DCLK1: variants seen among roughly 807,000 people sequenced by gnomAD.
DCLK1 encodes the protein serine/threonine-protein kinase DCLK1.
A neutral mutation model predicts 86.2 loss-of-function variants in DCLK1; 16 were observed. The observed-to-expected ratio is 0.19, with a 90% CI of 0.13 to 0.28. DCLK1 has a LOEUF of 0.28. Among genes scored for constraint, DCLK1 ranks in the 10% least tolerant of loss-of-function variants. DCLK1 has a pLI of 1.00. For missense variants in DCLK1, 590 were observed against 940.2 expected, an observed-to-expected ratio of 0.63 and a Z score of 4.87; for synonymous variants, 369 against 370.5, an observed-to-expected ratio of 1.00 and a Z score of 0.05.
At chr13:35,810,726 C>T in intron 12 of DCLK1, 109 bp downstream of exon 12, 1 of 1,324,266 alleles carries the variant, frequency 7.6e-7, no homozygotes, top group African/African-American at 1.5e-5. Flanking sequence ...TGGAAGAAAC[C>T]TGATAGCTAA....
At chr13:35,849,839 A>T (rs1334336212) in intron 6 of DCLK1, 1 of 984,134 alleles carries the variant, frequency 1.0e-6, no homozygotes, top group Non-Finnish European at 1.2e-6. Flanking sequence ...GAAAAAGTCC[A>T]GACACAATTT....
chr13:35,894,719 T>A (rs908107434), intron 4 of DCLK1, among the ~76,000 whole-genome samples: 1 of 151,948 alleles, frequency 6.6e-6, no homozygotes, highest in African/African-American at 2.4e-5. Context: ...TTGTTGAGAG[T>A]CTTCTTCCCT....
chr13:35,940,020 T>G (rs946500432), intron 4 of DCLK1, among the ~76,000 whole-genome samples: 2 of 152,114 alleles, frequency 1.3e-5, no homozygotes, highest in Non-Finnish European at 2.9e-5. Context: ...AACGTCTGTA[T>G]GGATAGCCTG....
intron 3 of DCLK1, among the ~76,000 whole-genome samples, chr13:36,097,435 G>A (rs1885057802): frequency 1.3e-5 from 2 of 151,946 alleles, no homozygotes; most frequent in Admixed American, 6.6e-5. Flanking sequence ...TAAATTTTGC[G>A]ATATTCACAC....
chr13:35,936,418 A>T (rs1876752124), intron 4 of DCLK1, among the ~76,000 whole-genome samples: 1 of 152,236 alleles, frequency 6.6e-6, no homozygotes, highest in Admixed American at 6.5e-5. Context: ...AGATATAAAC[A>T]GTTCTAGACC....
intron 3 of DCLK1, 131 bp downstream of exon 3, chr13:36,111,738 G>T: frequency 1.4e-6 from 1 of 711,788 alleles, no homozygotes; most frequent in Non-Finnish European, 2.3e-6. Flanking sequence ...GGGCCAGCAA[G>T]TACATATTTG....
Position 36,002,646 on chromosome 13 carries a change from T to C in DCLK1, c.724-55189A>G, listed in dbSNP as rs866704989. On this transcript the variant is annotated intron_variant, in intron 3 of 16. Transcript: ENST00000360631. ...GAGATCAAGAATTAGAAAACAAATA[T>C]TGAGGCCAGTAGGAAAAGGCTGTCT... Among the ~76,000 whole-genome samples, 5 of 152,268 alleles carry C rather than the reference T, an allele frequency of 3.3e-5. No individual in the cohort carries two copies. In the Middle Eastern group the frequency reaches 0.01, roughly 311 times the overall value.
chr13:36,067,333 T>C (rs9593740), intron 3 of DCLK1, among the ~76,000 whole-genome samples: 55,648 of 147,352 alleles, frequency 0.38, 10,628 homozygotes, highest in South Asian at 0.59. Context: ...CCACATGTTC[T>C]CACTCATAGG....
chr13:36,107,931 G>A (rs1812547094), intron 3 of DCLK1, among the ~76,000 whole-genome samples: 1 of 152,134 alleles, frequency 6.6e-6, no homozygotes, highest in South Asian at 2.1e-4. Flanking sequence ...CCAGAGCTTG[G>A]ACTTGGGCAA....
At chr13:35,806,537 A>T (rs1254933120) in intron 14 of DCLK1, among the ~76,000 whole-genome samples, 1 of 152,220 alleles carries the variant, frequency 6.6e-6, no homozygotes, top group African/African-American at 2.4e-5. Flanking sequence ...CCCATGTCAC[A>T]AAATGGTTAG....
At chr13:35,840,756 T>G (rs1869736315) in intron 6 of DCLK1, among the ~76,000 whole-genome samples, 1 of 152,226 alleles carries the variant, frequency 6.6e-6, no homozygotes. Flanking sequence ...TGTGACACTA[T>G]GTACCCATAA....
At position 35,972,271 on chromosome 13, in the gene DCLK1, A is replaced by AT. The variant is rs199866783; in HGVS notation, c.724-24815dup. Among the ~76,000 whole-genome samples the AT allele has an allele frequency of 2.7e-5, 4 of 148,790 alleles. No homozygotes were observed. The Admixed American group carries it at 2.7e-4, about 10-fold the overall frequency. ...ATCAACCATTTGACAGGTAGCCTTT[A>AT]TTTTTTTTTTAAGATGGGGTGTCGC... On this transcript the variant is annotated intron_variant, in intron 3 of 16. Transcript: ENST00000360631.
At chr13:36,125,168 C>T (rs947538734) in intron 2 of DCLK1, among the ~76,000 whole-genome samples, 6 of 152,114 alleles carry the variant, frequency 3.9e-5, no homozygotes, top group Non-Finnish European at 8.8e-5. Context: ...CCTCAAAAAT[C>T]AGAGAAAGAC....
intron 11 of DCLK1, among the ~76,000 whole-genome samples, chr13:35,812,828 C>T (rs2087176153): frequency 6.6e-6 from 1 of 152,090 alleles, no homozygotes; most frequent in Non-Finnish European, 1.5e-5. Context: ...AGGGCAAAAA[C>T]AGCCATATGT....
At chr13:35,826,079 T>C (rs2087517143) in intron 10 of DCLK1, among the ~76,000 whole-genome samples, 1 of 151,936 alleles carries the variant, frequency 6.6e-6, no homozygotes, top group South Asian at 2.1e-4. Context: ...CCCAAAATGG[T>C]GGGATTACAG....
In DCLK1 at chr13:35,803,678, C is replaced by T. The variant is rs559345354; in HGVS notation, c.1944+2021G>A. On this transcript the variant is annotated intron_variant, in intron 15 of 16. Transcript: ENST00000360631. ...GTAGTCACCTGACACATTGACTGTG[C>T]TTTCAATCATGCCTTGACCTCAAGC... Among the ~76,000 whole-genome samples the T allele has an allele frequency of 2.0e-5, 3 of 152,286 alleles. No individual in the cohort carries two copies. The East Asian group carries it at 5.8e-4, about 29-fold the overall frequency.
intron 4 of DCLK1, among the ~76,000 whole-genome samples, chr13:35,912,134 C>T (rs1875076770): frequency 6.6e-6 from 1 of 152,192 alleles, no homozygotes; most frequent in Admixed American, 6.5e-5. Flanking sequence ...TCCTTGAATT[C>T]TTTGCATCCT....
chr13:35,982,766 T>G (rs73178270), intron 3 of DCLK1, among the ~76,000 whole-genome samples: 54,693 of 151,946 alleles, frequency 0.36, 11,086 homozygotes, highest in Non-Finnish European at 0.45. Context: ...ATTGCTTTTT[T>G]TTTGTTTGTT....
At chr13:35,850,371 C>G in intron 6 of DCLK1, 1 of 1,007,714 alleles carries the variant, frequency 9.9e-7, no homozygotes, top group Non-Finnish European at 1.2e-6. Context: ...AAAACTCCAT[C>G]TGCAGAAATT....
Sources: gnomAD v4.1 joint callset for allele counts (sites outside exome capture counted in the v4.1 genomes callset) on GRCh38, gnomAD v4.1.1 for gene constraint, MANE v1.5 for transcripts, NCBI Gene and HGNC (gene_info 2026-07-23, HGNC 2026-07-21) for gene names.